ARB2A: variants seen among roughly 807,000 people sequenced by gnomAD.
ARB2A encodes ARB2 cotranscriptional regulator A.
At chr5:93,624,692 T>C in the ARB2A span, among the ~76,000 whole-genome samples, 7 of 152,258 alleles carry the variant, frequency 4.6e-5, no homozygotes, top group East Asian at 1.4e-3. Context: ...ATATTTTCGA[T>C]GGTCAAGATG....
At chr5:94,044,534 A>G in the ARB2A span, among the ~76,000 whole-genome samples, 2 of 152,042 alleles carry the variant, frequency 1.3e-5, no homozygotes, top group Non-Finnish European at 2.9e-5. Context: ...TCCCTCTGCA[A>G]CCCTTAGGAT....
chr5:93,679,561 T>C, the ARB2A span, among the ~76,000 whole-genome samples: 4 of 152,146 alleles, frequency 2.6e-5, no homozygotes, highest in African/African-American at 7.2e-5. Context: ...TTTTCTACTC[T>C]AAAGGCATTT....
chr5:93,742,866 T>C, the ARB2A span: 1 of 152,248 alleles, frequency 6.6e-6, no homozygotes, highest in Non-Finnish European at 1.5e-5. Context: ...TTTGTATTTT[T>C]CACTGCCCCA....
the ARB2A span, among the ~76,000 whole-genome samples, chr5:93,796,812 C>A: frequency 2.0e-5 from 3 of 152,116 alleles, no homozygotes; most frequent in Non-Finnish European, 4.4e-5. Flanking sequence ...TCTCACATTT[C>A]TGAAATAATG....
At chr5:93,666,170 A>T in the ARB2A span, among the ~76,000 whole-genome samples, 4 of 152,232 alleles carry the variant, frequency 2.6e-5, no homozygotes, top group Admixed American at 2.6e-4. Context: ...CTGATAGAAG[A>T]TTACACAAGA....
the ARB2A span, among the ~76,000 whole-genome samples, chr5:93,772,753 G>T: frequency 4.6e-5 from 7 of 152,150 alleles, no homozygotes; most frequent in Non-Finnish European, 2.9e-5. Context: ...GGTCCTCCCT[G>T]GCTTTTGGCC....
At chr5:94,052,008 A>T in the ARB2A span, among the ~76,000 whole-genome samples, 3 of 151,992 alleles carry the variant, frequency 2.0e-5, no homozygotes, top group African/African-American at 4.8e-5. Context: ...TTTAGTAGAG[A>T]TGAGGTTTCA....
the ARB2A span, chr5:93,743,410 TAA>T: frequency 3.6e-6 from 1 of 274,658 alleles, no homozygotes; most frequent in Non-Finnish European, 5.5e-6. Flanking sequence ...GCATTAATGG[TAA>T]AAAGACTTCC....
chr5:93,687,526 G>A, the ARB2A span, among the ~76,000 whole-genome samples: 13 of 152,142 alleles, frequency 8.5e-5, no homozygotes, highest in Admixed American at 1.3e-4. Flanking sequence ...AATGCAATAT[G>A]GTTGCTAAAA....
At chr5:93,877,292 C>T in the ARB2A span, among the ~76,000 whole-genome samples, 2 of 152,134 alleles carry the variant, frequency 1.3e-5, no homozygotes, top group Non-Finnish European at 1.5e-5. Context: ...ATACTCTACA[C>T]ATAGTCTCTA....
chr5:93,801,531 AAATT>A, the ARB2A span, among the ~76,000 whole-genome samples: 1 of 152,240 alleles, frequency 6.6e-6, no homozygotes, highest in South Asian at 2.1e-4. Context: ...TAGCTGAACT[AAATT>A]ATTAAAAATA....
At chr5:94,076,124 A>G in the ARB2A span, among the ~76,000 whole-genome samples, 1 of 152,212 alleles carries the variant, frequency 6.6e-6, no homozygotes, top group African/African-American at 2.4e-5. Flanking sequence ...ATCACTTAAT[A>G]ACATCTCCGT....
chr5:93,691,329 A>G, the ARB2A span, among the ~76,000 whole-genome samples: 1 of 152,020 alleles, frequency 6.6e-6, no homozygotes, highest in Non-Finnish European at 1.5e-5. Flanking sequence ...AGAGAAGAAC[A>G]TAAATGGCCT....
the ARB2A span, among the ~76,000 whole-genome samples, chr5:94,031,746 G>A: frequency 6.6e-6 from 1 of 152,208 alleles, no homozygotes; most frequent in Non-Finnish European, 1.5e-5. Context: ...CACCCTTTAA[G>A]TGTCTGCTCT....
At chr5:93,667,189 T>A in the ARB2A span, among the ~76,000 whole-genome samples, 1 of 152,204 alleles carries the variant, frequency 6.6e-6, no homozygotes, top group East Asian at 1.9e-4. Context: ...AACCTTCCAA[T>A]TGCTTCCCTT....
chr5:93,905,581 A>G, the ARB2A span, among the ~76,000 whole-genome samples: 2 of 151,676 alleles, frequency 1.3e-5, no homozygotes, highest in Admixed American at 1.3e-4. Flanking sequence ...TGTTAAAATA[A>G]GAGTCATTAA....
At chr5:93,956,331 C>T in the ARB2A span, among the ~76,000 whole-genome samples, 1 of 152,140 alleles carries the variant, frequency 6.6e-6, no homozygotes, top group Non-Finnish European at 1.5e-5. Flanking sequence ...AGTGGCTTCA[C>T]ATATTTAAAC....
chr5:93,927,374 A>T, the ARB2A span, among the ~76,000 whole-genome samples: 1 of 152,126 alleles, frequency 6.6e-6, no homozygotes, highest in African/African-American at 2.4e-5. Context: ...AACCTTGCTC[A>T]TTCTTCCCCA....
chr5:93,951,082 G>A, the ARB2A span, among the ~76,000 whole-genome samples: 3 of 152,062 alleles, frequency 2.0e-5, no homozygotes, highest in Non-Finnish European at 2.9e-5. Flanking sequence ...GATGATCAAC[G>A]ACGTTGGGCA....
Sources: gnomAD v4.1 joint callset for allele counts (sites outside exome capture counted in the v4.1 genomes callset) on GRCh38, gnomAD v4.1.1 for gene constraint, MANE v1.5 for transcripts, NCBI Gene and HGNC (gene_info 2026-07-23, HGNC 2026-07-21) for gene names.